Variants in POU2F1 observed in about 807,000 individuals in gnomAD.
POU2F1 encodes the protein POU class 2 homeobox 1.
In POU2F1, 16 loss-of-function variants were observed where a neutral mutation model predicts 84.9. The ratio of observed to expected loss-of-function variants is 0.19; its 90% CI spans 0.13 to 0.29. The LOEUF (loss-of-function observed/expected upper bound fraction) is 0.29. Ranked by LOEUF, POU2F1 falls within the 10% of genes least tolerant of loss-of-function variation. The pLI is 1.00. For synonymous variants in POU2F1, 368 were observed against 368.3 expected, an observed-to-expected ratio of 1.00 and a Z score of 0.01; for missense variants, 738 against 942.6, an observed-to-expected ratio of 0.78 and a Z score of 2.84.
chr1:167,295,513 T>C (rs1180361854), intron 1 of POU2F1, among the ~76,000 whole-genome samples: 2 of 152,136 alleles, frequency 1.3e-5, no homozygotes, highest in East Asian at 1.9e-4. Context: ...ATAATAGACA[T>C]AGGAGACAGA....
chr1:167,234,535 T>C (rs1455947643), intron 1 of POU2F1, among the ~76,000 whole-genome samples: 1 of 152,120 alleles, frequency 6.6e-6, no homozygotes, highest in Non-Finnish European at 1.5e-5. Flanking sequence ...AGTTTGAAAC[T>C]GGCCTGGGCA....
chr1:167,230,729 A>G (rs866592896), intron 1 of POU2F1, among the ~76,000 whole-genome samples: 3 of 152,128 alleles, frequency 2.0e-5, no homozygotes, highest in East Asian at 1.9e-4. Flanking sequence ...ACACAGTCCT[A>G]TTTTCTTCTC....
At chr1:167,370,112 T>A in intron 3 of POU2F1, 49 bp from the exon 4 acceptor site, 1 of 1,483,528 alleles carries the variant, frequency 6.7e-7, no homozygotes, top group Non-Finnish European at 9.3e-7. Flanking sequence ...CAACCCCTTG[T>A]GATGAATGTC....
intron 1 of POU2F1, chr1:167,329,329 T>C: frequency 6.5e-7 from 1 of 1,546,062 alleles, no homozygotes; most frequent in African/African-American, 1.4e-5. Flanking sequence ...ACAGTTCTTT[T>C]CTTAGAAGCT....
chr1:167,404,049 A>T (rs34384618), intron 13 of POU2F1, among the ~76,000 whole-genome samples: 2,221 of 152,226 alleles, frequency 0.015, 20 homozygotes, highest in South Asian at 0.026. Flanking sequence ...AGGGTTTTTT[A>T]AAATCTTATA....
At chr1:167,267,630 CTTTTT>C (rs71073658) in intron 1 of POU2F1, among the ~76,000 whole-genome samples, 9 of 70,480 alleles carry the variant, frequency 1.3e-4, no homozygotes, top group African/African-American at 2.2e-4. Context: ...GTTACTGTGT[CTTTTT>C]TTTTTTTTTT....
chr1:167,410,525 TTATTA>T (rs1179205838), intron 13 of POU2F1, among the ~76,000 whole-genome samples: 13,295 of 151,250 alleles, frequency 0.088, 1,865 homozygotes, highest in African/African-American at 0.3. Context: ...ATTATTATTA[TTATTA>T]TTTTTAACGG....
At position 167,264,521 on chromosome 1, in the gene POU2F1, T is replaced by G. The variant is rs578071833; in HGVS notation, c.61+43563T>G. Among the ~76,000 whole-genome samples the G allele has an allele frequency of 3.3e-5, 5 of 152,290 alleles. No individual in the cohort carries two copies. In the East Asian group the frequency reaches 9.6e-4, roughly 29 times the overall value. On this transcript the variant is annotated intron_variant, in intron 1 of 15. Transcript: ENST00000367866. ...ATTTTGTATTTTATATAAAGTACAT[T>G]GAAAAGAAAATGGCAATTGAAGGGC...
intron 2 of POU2F1, among the ~76,000 whole-genome samples, chr1:167,351,927 T>A (rs1364634290): frequency 6.6e-6 from 1 of 152,172 alleles, no homozygotes; most frequent in Non-Finnish European, 1.5e-5. Context: ...TTCTCATTTG[T>A]GGAAAAATGA....
intron 7 of POU2F1, chr1:167,380,414 G>A (rs1647436775): frequency 6.6e-6 from 1 of 152,292 alleles, no homozygotes; most frequent in South Asian, 2.1e-4. Context: ...ACAAACGATA[G>A]ATAACTCAGA....
At chr1:167,328,978 A>G (rs1656893163) in intron 1 of POU2F1, 1 of 990,760 alleles carries the variant, frequency 1.0e-6, no homozygotes, top group Non-Finnish European at 1.2e-6. Flanking sequence ...TTTTATTACA[A>G]AAAGAGGAAC....
At chr1:167,397,866 G>C (rs1648922520) in intron 10 of POU2F1, 128 bp from the exon 11 acceptor site, 2 of 973,934 alleles carry the variant, frequency 2.1e-6, no homozygotes, top group Admixed American at 5.5e-5. Context: ...TTGTAATGTA[G>C]GTTATGTGAA....
intron 9 of POU2F1, among the ~76,000 whole-genome samples, chr1:167,394,736 T>G (rs921446837): frequency 2.0e-5 from 3 of 152,210 alleles, no homozygotes; most frequent in African/African-American, 7.2e-5. Context: ...AGTTCAGGTA[T>G]TCTGGGTGCC....
intron 6 of POU2F1, among the ~76,000 whole-genome samples, chr1:167,374,937 G>A (rs867237870): frequency 1.2e-4 from 18 of 151,930 alleles, no homozygotes; most frequent in Non-Finnish European, 7.4e-5. Context: ...TGTGGTGGCA[G>A]GTGCCTGTAA....
At chr1:167,299,275 A>G (rs1427062187) in intron 1 of POU2F1, among the ~76,000 whole-genome samples, 1 of 152,206 alleles carries the variant, frequency 6.6e-6, no homozygotes, top group East Asian at 1.9e-4. Flanking sequence ...TGTAGTATAT[A>G]TGAAGGCAGT....
intron 8 of POU2F1, among the ~76,000 whole-genome samples, chr1:167,384,660 T>C (rs1432781056): frequency 2.0e-5 from 3 of 151,530 alleles, no homozygotes; most frequent in Non-Finnish European, 4.4e-5. Context: ...TGATAAGAAC[T>C]CTTGCAAACT....
At chr1:167,329,332 T>C in intron 1 of POU2F1, 1 of 1,545,208 alleles carries the variant, frequency 6.5e-7, no homozygotes, top group Non-Finnish European at 8.8e-7. Flanking sequence ...GTTCTTTTCT[T>C]AGAAGCTTTA....
chr1:167,288,833 C>T (rs916298373), intron 1 of POU2F1, among the ~76,000 whole-genome samples: 9 of 152,136 alleles, frequency 5.9e-5, no homozygotes, highest in African/African-American at 1.4e-4. Flanking sequence ...CTAGAATTTC[C>T]GTTCAAAATG....
intron 1 of POU2F1, among the ~76,000 whole-genome samples, chr1:167,300,034 A>G (rs1654570360): frequency 6.6e-6 from 1 of 152,216 alleles, no homozygotes; most frequent in East Asian, 1.9e-4. Flanking sequence ...CCCATTAATG[A>G]TGAATAAAGA....
Sources: gnomAD v4.1 joint callset for allele counts (sites outside exome capture counted in the v4.1 genomes callset) on GRCh38, gnomAD v4.1.1 for gene constraint, MANE v1.5 for transcripts, NCBI Gene and HGNC (gene_info 2026-07-23, HGNC 2026-07-21) for gene names.